The following PLEKHA5 variants were observed in gnomAD, a reference collection of about 807,000 sequenced individuals.
The protein encoded by PLEKHA5 is pleckstrin homology domain containing A5, also known as pleckstrin homology domain-containing family A member 5.
PLEKHA5 carries 55 observed loss-of-function variants against 181.9 expected under a neutral mutation model. The observed-to-expected ratio is 0.30, with a 90% CI of 0.24 to 0.38. PLEKHA5 has a LOEUF of 0.38. Ranked by LOEUF, PLEKHA5 falls within the 10% of genes least tolerant of loss-of-function variation. The pLI, the probability that PLEKHA5 is intolerant of heterozygous loss-of-function variation, is 1.00. For missense variants in PLEKHA5, 1,432 were observed against 1,549.5 expected (o/e 0.92, Z 1.27); for synonymous variants, 535 against 529.4 (o/e 1.01, Z -0.15).
At chr12:19,333,368 A>G (rs1479855417) in intron 20 of PLEKHA5, among the ~76,000 whole-genome samples, 7 of 151,836 alleles carry the variant, frequency 4.6e-5, no homozygotes, top group Admixed American at 2.6e-4. Flanking sequence ...TCATGAGGTC[A>G]GGAGATTAAG....
intron 20 of PLEKHA5, 91 bp downstream of exon 20, chr12:19,322,758 G>T: frequency 1.3e-6 from 1 of 784,816 alleles, no homozygotes; most frequent in South Asian, 1.9e-5. Context: ...CTCTCTTTAG[G>T]ATTCTTCTAT....
At position 19,194,051 on chromosome 12, in the gene PLEKHA5, C is replaced by A. The variant is rs572353869; in HGVS notation, c.228-59889C>A. ...CCCAAACACCTCCCACCAGGCCTCA[C>A]CTCCAACATTGGGGATTGCATTTCA... is the stretch of plus-strand genomic sequence containing the variant. On this transcript the variant is annotated intron_variant, in intron 3 of 31. Transcript: ENST00000429027. Among the ~76,000 whole-genome samples, 9 of 152,298 alleles carry A rather than the reference C, an allele frequency of 5.9e-5. No homozygotes were observed. The South Asian group carries it at 1.9e-3, about 32-fold the overall frequency.
At chr12:19,360,406 G>C (rs1218260445) in intron 28 of PLEKHA5, among the ~76,000 whole-genome samples, 2 of 151,882 alleles carry the variant, frequency 1.3e-5, no homozygotes. Context: ...CGGAGTTCGA[G>C]ATCAGCCTCG....
At chr12:19,349,347 A>C (rs1270438913) in intron 25 of PLEKHA5, among the ~76,000 whole-genome samples, 1 of 152,004 alleles carries the variant, frequency 6.6e-6, no homozygotes, top group Non-Finnish European at 1.5e-5. Flanking sequence ...AACTCTGGGG[A>C]TCAAGCATTC....
At chr12:19,252,585 A>G (rs1019070255) in intron 3 of PLEKHA5, among the ~76,000 whole-genome samples, 1 of 152,144 alleles carries the variant, frequency 6.6e-6, no homozygotes, top group South Asian at 2.1e-4. Flanking sequence ...ACTATTTCTT[A>G]GGCAAACATC....
At chr12:19,205,583 G>A (rs1225496701) in intron 3 of PLEKHA5, 3 of 153,502 alleles carry the variant, frequency 2.0e-5, no homozygotes, top group Non-Finnish European at 1.4e-5. Flanking sequence ...GAGATGGGGA[G>A]AAAATTGTTT....
chr12:19,170,337 T>A (rs1241891495), intron 3 of PLEKHA5, among the ~76,000 whole-genome samples: 1 of 152,218 alleles, frequency 6.6e-6, no homozygotes, highest in Non-Finnish European at 1.5e-5. Flanking sequence ...ATATTTTGTG[T>A]ATAAATAATA....
chr12:19,314,934 G>C (rs960018013), intron 16 of PLEKHA5, 40 bp downstream of exon 16: 1 of 982,872 alleles, frequency 1.0e-6, no homozygotes. Flanking sequence ...TTTATCATCT[G>C]CAAAATCCCT....
intron 15 of PLEKHA5, among the ~76,000 whole-genome samples, chr12:19,302,587 G>T (rs1199113985): frequency 6.6e-6 from 1 of 151,882 alleles, no homozygotes; most frequent in African/African-American, 2.4e-5. Flanking sequence ...ATTAGAGATG[G>T]GGTTTCACCA....
At chr12:19,233,226 A>G (rs1038286949) in intron 3 of PLEKHA5, among the ~76,000 whole-genome samples, 2 of 152,270 alleles carry the variant, frequency 1.3e-5, no homozygotes, top group African/African-American at 4.8e-5. Flanking sequence ...GAAATTTGGG[A>G]AAAAGTGAGA....
At chr12:19,288,265 G>A (rs899167716) in intron 13 of PLEKHA5, among the ~76,000 whole-genome samples, 7 of 152,096 alleles carry the variant, frequency 4.6e-5, no homozygotes, top group African/African-American at 1.7e-4. Context: ...CTTCTTTAGA[G>A]CTGTTTGTAA....
In PLEKHA5 at chr12:19,261,169, A is replaced by G. The variant is rs926216310; in HGVS notation, c.610+148A>G. ...AAACAGATTTTTTCTCCTTTGACAT[A>G]TCATTCTGAGTTTTGGGGTTATGAT... On this transcript the variant is annotated intron_variant, in intron 7 of 31. Coordinates refer to ENST00000429027, the MANE Select transcript of PLEKHA5 (RefSeq NM_001256470.2). 5.7e-5 allele frequency: 28 copies of G among 490,094 alleles called. No homozygotes were observed. The East Asian group carries it at 8.3e-4, about 14-fold the overall frequency. The allele number at this position is 490,094 out of a possible 1,614,324, so 30.4% of individuals were successfully genotyped here. A position where few individuals can be genotyped will look rare whatever the true frequency, so the allele number is the denominator to read the frequency against.
At chr12:19,223,911 T>G (rs1363598664) in intron 3 of PLEKHA5, among the ~76,000 whole-genome samples, 2 of 152,136 alleles carry the variant, frequency 1.3e-5, no homozygotes, top group East Asian at 1.9e-4. Context: ...ATGTAAAGAC[T>G]AGAGAACCAG....
chr12:19,222,333 T>C (rs951422943), intron 3 of PLEKHA5, among the ~76,000 whole-genome samples: 1 of 152,256 alleles, frequency 6.6e-6, no homozygotes. Context: ...GTTTTATGCT[T>C]CAAATAATTT....
chr12:19,361,847 C>A (rs2095253244), intron 29 of PLEKHA5, 141 bp downstream of exon 29: 5 of 698,496 alleles, frequency 7.2e-6, no homozygotes, highest in South Asian at 1.8e-5. Flanking sequence ...AGTTATATAA[C>A]CTCTTAAACT....
intron 3 of PLEKHA5, chr12:19,150,178 C>T (rs1310391927): frequency 6.6e-6 from 1 of 152,030 alleles, no homozygotes; most frequent in Non-Finnish European, 1.5e-5. Context: ...GTGGGATGAC[C>T]CTCTTTATTA....
chr12:19,163,914 A>G (rs2043608563), intron 3 of PLEKHA5, among the ~76,000 whole-genome samples: 1 of 152,102 alleles, frequency 6.6e-6, no homozygotes, highest in Non-Finnish European at 1.5e-5. Flanking sequence ...TTTTCCTTCT[A>G]GCAACCAAAC....
At chr12:19,218,029 T>C (rs996285460) in intron 3 of PLEKHA5, among the ~76,000 whole-genome samples, 4 of 152,210 alleles carry the variant, frequency 2.6e-5, no homozygotes, top group African/African-American at 9.6e-5. Flanking sequence ...CTCAAGATTG[T>C]TGGATACCAT....
intron 15 of PLEKHA5, chr12:19,307,076 A>C (rs1336129936): frequency 7.9e-7 from 1 of 1,265,552 alleles, no homozygotes; most frequent in Non-Finnish European, 1.1e-6. Context: ...ATCTGTTGCC[A>C]CAGATAGTTG....
Sources: allele counts gnomAD v4.1 joint callset (sites outside exome capture counted in the v4.1 genomes callset), GRCh38; gene constraint gnomAD v4.1.1; transcripts MANE v1.5; gene names NCBI Gene and HGNC (gene_info 2026-07-23, HGNC 2026-07-21).